The following CDH4 variants were observed in gnomAD, a reference collection of about 807,000 sequenced individuals.
CDH4 encodes cadherin 4, also known as cadherin-4.
In CDH4, 33 loss-of-function variants were observed where a neutral mutation model predicts 86.0. That is an observed-to-expected ratio of 0.38 (90% CI 0.29 to 0.51). The LOEUF is 0.51. CDH4 is among the 20% of genes least tolerant of loss of function. The pLI is 0.86. For synonymous variants in CDH4, 555 were observed against 549.4 expected, an observed-to-expected ratio of 1.01 and a Z score of -0.14; for missense variants, 1,114 against 1,307.4, an observed-to-expected ratio of 0.85 and a Z score of 2.28.
chr20:61,575,724 G>A (rs774252191), intron 2 of CDH4, among the ~76,000 whole-genome samples: 16 of 135,616 alleles, frequency 1.2e-4, no homozygotes, highest in Admixed American at 1.0e-3. Context: ...AGTAATTGTA[G>A]TAGTGACCTT....
chr20:61,592,821 A>T (rs1022531044), intron 2 of CDH4, among the ~76,000 whole-genome samples: 1 of 152,164 alleles, frequency 6.6e-6, no homozygotes, highest in African/African-American at 2.4e-5. Context: ...GAATCACTTC[A>T]TAGTGTGGTG....
intron 2 of CDH4, among the ~76,000 whole-genome samples, chr20:61,700,678 C>T (rs906920199): frequency 2.6e-5 from 4 of 152,070 alleles, no homozygotes; most frequent in Admixed American, 2.0e-4. Context: ...TCACCCCATA[C>T]GGCCTCCCTG....
chr20:61,741,632 C>T (rs1318763933), intron 2 of CDH4, among the ~76,000 whole-genome samples: 1 of 152,150 alleles, frequency 6.6e-6, no homozygotes, highest in Non-Finnish European at 1.5e-5. Context: ...GCTGGGACTA[C>T]AGGCACCCGC....
At chr20:61,484,219 C>T (rs2085583721) in intron 2 of CDH4, among the ~76,000 whole-genome samples, 2 of 152,174 alleles carry the variant, frequency 1.3e-5, no homozygotes, top group African/African-American at 4.8e-5. Flanking sequence ...CACCTCCCCT[C>T]AGAACAAAAA....
At chr20:61,784,583 TCGGGACAG>T (rs1978757336) in intron 4 of CDH4, among the ~76,000 whole-genome samples, 1 of 102,126 alleles carries the variant, frequency 9.8e-6, no homozygotes, top group African/African-American at 4.3e-5. Flanking sequence ...TCCCAGTTCC[TCGGGACAG>T]TTCTCCAGGC....
chr20:61,481,223 G>A (rs919893040), intron 2 of CDH4, among the ~76,000 whole-genome samples: 17 of 152,178 alleles, frequency 1.1e-4, no homozygotes, highest in Non-Finnish European at 2.4e-4. Flanking sequence ...GCTGGGGCGT[G>A]GGGGAGGGAG....
intron 2 of CDH4, among the ~76,000 whole-genome samples, chr20:61,474,388 T>C (rs1057073352): frequency 6.6e-6 from 1 of 150,428 alleles, no homozygotes; most frequent in African/African-American, 2.4e-5. Context: ...TTGGCCAGAC[T>C]GGTCTAAAAC....
chr20:61,723,301 T>C (rs1192899031), intron 2 of CDH4, among the ~76,000 whole-genome samples: 1 of 152,102 alleles, frequency 6.6e-6, no homozygotes, highest in African/African-American at 2.4e-5. Flanking sequence ...CCCCTGCACC[T>C]CCTCCGGACC....
chr20:61,845,238 C>T (rs778079247), intron 5 of CDH4, among the ~76,000 whole-genome samples: 2 of 152,384 alleles, frequency 1.3e-5, no homozygotes, highest in Admixed American at 6.5e-5. Flanking sequence ...CGAAGCACAG[C>T]CCATTGTCCC....
intron 4 of CDH4, among the ~76,000 whole-genome samples, chr20:61,803,131 C>T (rs1979924241): frequency 6.6e-6 from 1 of 152,200 alleles, no homozygotes; most frequent in Non-Finnish European, 1.5e-5. Context: ...CGAGTCGCAG[C>T]TCCGTCGTTG....
At chr20:61,337,828 G>T (rs1046822355) in intron 2 of CDH4, among the ~76,000 whole-genome samples, 1 of 152,248 alleles carries the variant, frequency 6.6e-6, no homozygotes, top group Non-Finnish European at 1.5e-5. Flanking sequence ...CCAATCATTT[G>T]CCCTGCTGTG....
At chr20:61,892,769 G>T (rs934174626) in intron 7 of CDH4, among the ~76,000 whole-genome samples, 2 of 152,126 alleles carry the variant, frequency 1.3e-5, no homozygotes, top group African/African-American at 4.8e-5. Flanking sequence ...TTTGGGCTAG[G>T]CTCAGCTGGA....
At chr20:61,336,209 G>C (rs981665498) in intron 2 of CDH4, among the ~76,000 whole-genome samples, 1 of 152,134 alleles carries the variant, frequency 6.6e-6, no homozygotes, top group Non-Finnish European at 1.5e-5. Context: ...GCTGCTATGA[G>C]ACCATGGGTG....
chr20:61,327,727 A>G (rs2084544300), intron 2 of CDH4, among the ~76,000 whole-genome samples: 1 of 151,980 alleles, frequency 6.6e-6, no homozygotes, highest in Non-Finnish European at 1.5e-5. Flanking sequence ...CAATAATTCC[A>G]CTTCTGGGAA....
intron 4 of CDH4, among the ~76,000 whole-genome samples, chr20:61,840,362 A>G (rs1982104056): frequency 6.6e-6 from 1 of 152,192 alleles, no homozygotes. Flanking sequence ...CTGCGATTCA[A>G]AACCACACAG....
intron 2 of CDH4, among the ~76,000 whole-genome samples, chr20:61,271,428 A>G (rs2123138579): frequency 6.6e-6 from 1 of 152,360 alleles, no homozygotes; most frequent in East Asian, 1.9e-4. Context: ...GATAGAAGAC[A>G]GCCCTCAGCA....
intron 2 of CDH4, among the ~76,000 whole-genome samples, chr20:61,488,027 C>T (rs1046424600): frequency 6.6e-6 from 1 of 152,194 alleles, no homozygotes; most frequent in Non-Finnish European, 1.5e-5. Context: ...ATCGATGATT[C>T]TGTGGGAGGA....
chr20:61,587,664 C>A (rs2086488750), intron 2 of CDH4, among the ~76,000 whole-genome samples: 1 of 152,178 alleles, frequency 6.6e-6, no homozygotes, highest in Non-Finnish European at 1.5e-5. Flanking sequence ...GATTGTGTTT[C>A]TGTGGCCTCC....
rs888026882 is a variant in CDH4, at chr20:61,684,744, A to C, written c.170-58819A>C. 1.3e-5 allele frequency among the ~76,000 whole-genome samples: 2 copies of C among 151,960 alleles called. No individual in the cohort carries two copies. The highest frequency in any genetic ancestry group is 2.9e-5 in the Non-Finnish European group (2 of 67,976). On this transcript the variant is annotated intron_variant, in intron 2 of 15. Transcript: ENST00000614565. The surrounding 1 kb of genome is among the most constrained non-coding windows in gnomAD (Gnocchi z 4.5). ...CCAGCACCTGGGACCTGCCACACCC[A>C]CCCAGCACAGCAGCCTCCCTCAATC...
Sources: allele counts gnomAD v4.1 joint callset (sites outside exome capture counted in the v4.1 genomes callset), GRCh38; gene constraint gnomAD v4.1.1; non-coding constraint Gnocchi (gnomAD v3.1); transcripts MANE v1.5; gene names NCBI Gene and HGNC (gene_info 2026-07-23, HGNC 2026-07-21).